The following NCOA1 variants were observed in gnomAD, a reference collection of about 807,000 sequenced individuals.
NCOA1 encodes Hin-2 protein.
NCOA1 carries 35 observed loss-of-function variants against 150.9 expected under a neutral mutation model. The observed-to-expected ratio is 0.23, with a 90% CI of 0.18 to 0.31. The LOEUF is 0.31. Among genes scored for constraint, NCOA1 ranks in the 10% least tolerant of loss-of-function variants. NCOA1 has a pLI of 1.00. For missense variants in NCOA1, 1,491 were observed against 1,749.3 expected (o/e 0.85, Z 2.63); for synonymous variants, 590 against 630.0 (o/e 0.94, Z 0.95).
At chr2:24,537,137 T>C (rs999637390) in intron 1 of NCOA1, among the ~76,000 whole-genome samples, 2 of 151,838 alleles carry the variant, frequency 1.3e-5, no homozygotes, top group Non-Finnish European at 2.9e-5. Context: ...AAAAAAGATA[T>C]CTGGACTCCC....
At chr2:24,573,376 G>A (rs1006834599) in intron 2 of NCOA1, among the ~76,000 whole-genome samples, 4 of 152,074 alleles carry the variant, frequency 2.6e-5, no homozygotes, top group African/African-American at 9.7e-5. Flanking sequence ...CTTGAAATTA[G>A]AAATTCCTTA....
At chr2:24,647,219 T>C (rs1486745041) in intron 4 of NCOA1, among the ~76,000 whole-genome samples, 7 of 152,266 alleles carry the variant, frequency 4.6e-5, no homozygotes, top group Admixed American at 4.6e-4. Context: ...AAGCAAAAGA[T>C]TGGGGCTATA....
intron 11 of NCOA1, among the ~76,000 whole-genome samples, chr2:24,698,038 T>C (rs1306143697): frequency 6.6e-6 from 1 of 152,138 alleles, no homozygotes; most frequent in Non-Finnish European, 1.5e-5. Context: ...CATTCATTCA[T>C]TCAGCAGGCA....
chr2:24,704,798 G>C (rs187951179), intron 11 of NCOA1, among the ~76,000 whole-genome samples: 1 of 151,832 alleles, frequency 6.6e-6, no homozygotes, highest in East Asian at 1.9e-4. Context: ...AAAGACTAAA[G>C]TTGATGTTTC....
chr2:24,537,253 C>A, intron 1 of NCOA1, among the ~76,000 whole-genome samples: 1 of 151,776 alleles, frequency 6.6e-6, no homozygotes, highest in Admixed American at 6.6e-5. Flanking sequence ...CACACACACA[C>A]ACACACACAC....
intron 8 of NCOA1, among the ~76,000 whole-genome samples, chr2:24,688,343 G>T (rs1672502550): frequency 6.6e-6 from 1 of 152,194 alleles, no homozygotes; most frequent in Non-Finnish European, 1.5e-5. Context: ...TTTCCACAAT[G>T]GTTGAACTAA....
Position 24,629,362 on chromosome 2 carries a change from A to G in NCOA1, c.-174-14604A>G, listed in dbSNP as rs551490385. ...TTTAGATTTAGTAGTTGATATACAGACTTGTAAACACACAGTTTATAAAAG... is the reference window on the plus strand; with the variant it reads ...TTTAGATTTAGTAGTTGATATACAGGCTTGTAAACACACAGTTTATAAAAG... On this transcript the variant is annotated intron_variant, in intron 3 of 22. Coordinates refer to ENST00000348332, the MANE Select transcript of NCOA1 (RefSeq NM_003743.5). Among the ~76,000 whole-genome samples the G allele has an allele frequency of 7.9e-5, 12 of 152,166 alleles. No homozygotes were observed. In the South Asian group the frequency reaches 1.7e-3, roughly 21 times the overall value.
chr2:24,765,879 G>C (rs1308505346), intron 22 of NCOA1, among the ~76,000 whole-genome samples: 13 of 147,452 alleles, frequency 8.8e-5, no homozygotes, highest in Admixed American at 8.8e-4. Flanking sequence ...TCAGTTTTCT[G>C]TAATTTCAAT....
At chr2:24,698,986 C>T (rs1195155266) in intron 11 of NCOA1, among the ~76,000 whole-genome samples, 1 of 152,152 alleles carries the variant, frequency 6.6e-6, no homozygotes, top group African/African-American at 2.4e-5. Flanking sequence ...ACTTATACCA[C>T]CTCCTAAGAT....
intron 19 of NCOA1, among the ~76,000 whole-genome samples, chr2:24,742,979 T>A (rs2148664682): frequency 6.6e-6 from 1 of 152,318 alleles, no homozygotes; most frequent in South Asian, 2.1e-4. Flanking sequence ...TCCAAAAGCT[T>A]TTTTCTTTTT....
intron 1 of NCOA1, among the ~76,000 whole-genome samples, chr2:24,547,072 A>G (rs960023263): frequency 2.6e-5 from 4 of 152,212 alleles, no homozygotes; most frequent in African/African-American, 9.6e-5. Flanking sequence ...ACATGTGCAC[A>G]TTGGAAAGGA....
At chr2:24,765,162 G>A in intron 22 of NCOA1, among the ~76,000 whole-genome samples, 1 of 149,270 alleles carries the variant, frequency 6.7e-6, no homozygotes. Flanking sequence ...GGGCGACAGA[G>A]GGATACTTCG....
At chr2:24,747,476 T>G (rs1175812821) in intron 19 of NCOA1, among the ~76,000 whole-genome samples, 1 of 151,718 alleles carries the variant, frequency 6.6e-6, no homozygotes, top group East Asian at 1.9e-4. Flanking sequence ...ACTACAGGCA[T>G]GTACCACTGT....
intron 1 of NCOA1, among the ~76,000 whole-genome samples, chr2:24,528,601 G>A (rs1027165367): frequency 3.3e-5 from 5 of 151,790 alleles, no homozygotes; most frequent in African/African-American, 1.2e-4. Context: ...ACCCATATTA[G>A]CCTCCCAAAG....
Position 24,752,090 on chromosome 2 carries a change from C to T in NCOA1, c.3815C>T (p.Pro1272Leu), listed in dbSNP as rs201067027. ...PPQSSLLQQT[P>L]PASGYQSPDM... ...CAGAGTTCTCTTCTCCAGCAAACTC[C>T]ACCTGCCTCCGGGTATCAGTCACCA... Residue 1272 changes from proline to leucine, a missense_variant, in exon 20 of 23, where the codon CCA becomes CTA. Physicochemically the swap from Pro to Leu is moderately conservative, Grantham distance 98. Coordinates refer to ENST00000348332, the MANE Select transcript of NCOA1 (RefSeq NM_003743.5). The T allele has an allele frequency of 5.1e-5, 82 of 1,614,040 alleles. No individual in the cohort carries two copies. The highest frequency in any genetic ancestry group is 6.4e-5 in the Non-Finnish European group (76 of 1,180,032).
chr2:24,598,421 A>G (rs1186899699), intron 3 of NCOA1, among the ~76,000 whole-genome samples: 1 of 152,256 alleles, frequency 6.6e-6, no homozygotes, highest in African/African-American at 2.4e-5. Flanking sequence ...AAATGAAAGC[A>G]TATGAACAAT....
At chr2:24,762,272 G>A (rs1191580909) in intron 21 of NCOA1, among the ~76,000 whole-genome samples, 1 of 152,182 alleles carries the variant, frequency 6.6e-6, no homozygotes, top group African/African-American at 2.4e-5. Context: ...TTAGCTGATT[G>A]AGGCAGGAGG....
chr2:24,739,605 G>C, intron 18 of NCOA1, 72 bp downstream of exon 18: 1 of 1,162,722 alleles, frequency 8.6e-7, no homozygotes, highest in South Asian at 1.3e-5. Context: ...GTTGACTTGA[G>C]TGTCTTTGAA....
At chr2:24,636,802 C>T (rs1340837820) in intron 3 of NCOA1, among the ~76,000 whole-genome samples, 1 of 151,970 alleles carries the variant, frequency 6.6e-6, no homozygotes, top group Non-Finnish European at 1.5e-5. Flanking sequence ...TTTTAGCTTA[C>T]TGAGAGTTTT....
Sources: gnomAD v4.1 joint callset for allele counts (sites outside exome capture counted in the v4.1 genomes callset) on GRCh38, gnomAD v4.1.1 for gene constraint, MANE v1.5 for transcripts, NCBI Gene and HGNC (gene_info 2026-07-23, HGNC 2026-07-21) for gene names.